C9: variants seen among roughly 807,000 people sequenced by gnomAD.
The protein encoded by C9 is complement C9, also known as complement component C9.
In C9, 63 loss-of-function variants were observed where a neutral mutation model predicts 65.4. The ratio of observed to expected loss-of-function variants is 0.96; its 90% CI spans 0.79 to 1.19. The LOEUF (loss-of-function observed/expected upper bound fraction) is 1.19, where lower values mean the gene tolerates loss of function less well. Ranked by LOEUF, C9 falls within the 50% of genes most tolerant of loss-of-function variation. The pLI is 0.00. For synonymous variants in C9, 229 were observed against 227.9 expected (o/e 1.00, Z -0.04); for missense variants, 744 against 670.1 (o/e 1.11, Z -1.22).
intron 1 of C9, among the ~76,000 whole-genome samples, chr5:39,361,661 C>T (rs1217097474): frequency 6.6e-6 from 1 of 152,136 alleles, no homozygotes; most frequent in Non-Finnish European, 1.5e-5. Context: ...ACCCAGGCCA[C>T]CTGGCTCCAG....
At chr5:39,318,429 T>C (rs756778878) in intron 5 of C9, among the ~76,000 whole-genome samples, 13 of 152,212 alleles carry the variant, frequency 8.5e-5, no homozygotes, top group Non-Finnish European at 1.9e-4. Flanking sequence ...CATCCTTGTC[T>C]TGTGCTGGTT....
chr5:39,326,858 C>G (rs969043665), intron 5 of C9, among the ~76,000 whole-genome samples: 1 of 152,138 alleles, frequency 6.6e-6, no homozygotes, highest in Non-Finnish European at 1.5e-5. Flanking sequence ...TTGCTGTCAA[C>G]TTTAATGGCA....
At chr5:39,332,210 G>T (rs572953551) in intron 4 of C9, among the ~76,000 whole-genome samples, 1 of 152,194 alleles carries the variant, frequency 6.6e-6, no homozygotes, top group African/African-American at 2.4e-5. Context: ...CATCTCAGGG[G>T]GCCAATATAA....
chr5:39,286,489 C>G (rs1752993374), intron 10 of C9, among the ~76,000 whole-genome samples: 1 of 151,518 alleles, frequency 6.6e-6, no homozygotes, highest in African/African-American at 2.4e-5. Flanking sequence ...AAAAACTAGA[C>G]AAAAGAAAAT....
chr5:39,300,647 A>T (rs993802197), intron 9 of C9, among the ~76,000 whole-genome samples: 3 of 152,124 alleles, frequency 2.0e-5, no homozygotes, highest in African/African-American at 7.2e-5. Flanking sequence ...ATAAAGGAAG[A>T]CATTTTAATT....
chr5:39,317,226 C>T (rs547150836), intron 5 of C9, among the ~76,000 whole-genome samples: 1 of 148,088 alleles, frequency 6.8e-6, no homozygotes, highest in East Asian at 2.2e-4. Flanking sequence ...TGTTTAAGTT[C>T]CTCATAGACT....
At chr5:39,359,027 T>A (rs1390895684) in intron 1 of C9, among the ~76,000 whole-genome samples, 9 of 143,742 alleles carry the variant, frequency 6.3e-5, no homozygotes, top group African/African-American at 2.1e-4. Context: ...AATATATATA[T>A]ATATATATAT....
chr5:39,363,975 A>G (rs957129167), intron 1 of C9, among the ~76,000 whole-genome samples: 1 of 152,234 alleles, frequency 6.6e-6, no homozygotes, highest in African/African-American at 2.4e-5. Context: ...ATGTGGAGGC[A>G]AAAGGGTGAT....
rs115295113 is a variant in C9 at position 39,362,311 on chromosome 5, G to T, written c.77+2077C>A. Reference sequence around the variant, plus strand: ...AATATGACTGGTGTCCTTTTAAAAAGGGGACATTTTTATAAAGACATACAC... The same window carrying T: ...AATATGACTGGTGTCCTTTTAAAAATGGGACATTTTTATAAAGACATACAC... On this transcript the variant is annotated intron_variant, in intron 1 of 10. Transcript: ENST00000263408. Among the ~76,000 whole-genome samples, 738 of 152,258 alleles carry T rather than the reference G, an allele frequency of 4.8e-3. 8 individuals carry two copies. The highest frequency in any genetic ancestry group is 0.017 in the African/African-American group (708 of 41,550).
At chr5:39,320,814 A>G (rs754377770) in intron 5 of C9, among the ~76,000 whole-genome samples, 14 of 152,198 alleles carry the variant, frequency 9.2e-5, no homozygotes, top group Non-Finnish European at 1.8e-4. Context: ...GAGCTCACAT[A>G]AGATTACTAG....
At chr5:39,333,600 C>G (rs982580012) in intron 4 of C9, among the ~76,000 whole-genome samples, 1 of 71,316 alleles carries the variant, frequency 1.4e-5, no homozygotes, top group African/African-American at 3.6e-5. Context: ...CTCTCCGTCT[C>G]CCTCTCCCCT....
At position 39,311,148 on chromosome 5, in the gene C9, A is replaced by T; in HGVS notation, c.1100T>A (p.Met367Lys). 1 of 1,613,444 alleles carries T rather than the reference A, an allele frequency of 6.2e-7. No individual in the cohort carries two copies. The highest frequency in any genetic ancestry group is 8.5e-7 in the Non-Finnish European group (1 of 1,179,446). ...ELIYVLDKAS[M>K]KRKGVELKDI... ...ATTTCTAGGCATACCTTTCCGCTTC[A>T]TGGAAGCTTTATCCAAAACATATAT... Residue 367 changes from methionine to lysine, a missense_variant, in exon 7 of 11, where the codon ATG (methionine) becomes AAG (lysine). Met to Lys is a moderately conservative substitution (Grantham distance 95, BLOSUM62 -1). Coordinates refer to ENST00000263408, the MANE Select transcript of C9 (RefSeq NM_001737.5).
intron 4 of C9, among the ~76,000 whole-genome samples, chr5:39,334,994 G>GAA (rs57954565): frequency 1.2e-3 from 176 of 144,964 alleles, no homozygotes; most frequent in Admixed American, 2.3e-3. Context: ...TCTGCCTTGG[G>GAA]AAAAAAAAAA....
intron 5 of C9, among the ~76,000 whole-genome samples, chr5:39,317,554 T>G (rs1027296114): frequency 3.9e-5 from 6 of 152,202 alleles, no homozygotes; most frequent in African/African-American, 1.4e-4. Context: ...TTCAATTGTC[T>G]GCATATGGCT....
At position 39,324,087 on chromosome 5, in the gene C9, A is replaced by G. The variant is rs113564735; in HGVS notation, c.615+7589T>C. Reference sequence around the variant, plus strand: ...ACTACAGAATTAAAAAGAATAAAACACTTAGGAATAAATTTAACCAAGGAG... The same window carrying G: ...ACTACAGAATTAAAAAGAATAAAACGCTTAGGAATAAATTTAACCAAGGAG... On this transcript the variant is annotated intron_variant, in intron 5 of 10. Coordinates refer to ENST00000263408, the MANE Select transcript of C9 (RefSeq NM_001737.5). Among the ~76,000 whole-genome samples, 961 of 152,298 alleles carry G rather than the reference A, an allele frequency of 6.3e-3. 7 individuals are homozygous for G. Among genetic ancestry groups the G allele is most frequent in the African/African-American group, 0.022 (906 of 41,562 alleles).
chr5:39,363,400 A>G (rs1160679974), intron 1 of C9, among the ~76,000 whole-genome samples: 1 of 152,202 alleles, frequency 6.6e-6, no homozygotes, highest in Non-Finnish European at 1.5e-5. Context: ...CTCCAACTGC[A>G]GCCAAGAGGC....
intron 1 of C9, among the ~76,000 whole-genome samples, chr5:39,351,240 A>G (rs1044759940): frequency 6.6e-6 from 1 of 152,190 alleles, no homozygotes; most frequent in South Asian, 2.1e-4. Context: ...GGCCTAGTCC[A>G]TGAAATCATT....
At chr5:39,320,536 A>T (rs1423450456) in intron 5 of C9, among the ~76,000 whole-genome samples, 1 of 152,186 alleles carries the variant, frequency 6.6e-6, no homozygotes. Context: ...ACTATGGGGC[A>T]CCATCAAGTG....
Position 39,315,668 on chromosome 5 carries a change from G to A in C9, c.870+107C>T, listed in dbSNP as rs1753555960. On this transcript the variant is annotated intron_variant, in intron 6 of 10. Coordinates refer to ENST00000263408, the MANE Select transcript of C9 (RefSeq NM_001737.5). ...GTGCTAGCTACATATTTGAGAATTT[G>A]ATCCATGTTTCTTTTCCTTTTTATG... 8 of 825,064 alleles carry A rather than the reference G, an allele frequency of 9.7e-6. No homozygotes were observed. The East Asian group carries it at 1.6e-4, about 16-fold the overall frequency. 51.1% of individuals were successfully genotyped at this position (825,064 alleles called of 1,614,324 possible).
Sources: gnomAD v4.1 joint callset for allele counts (sites outside exome capture counted in the v4.1 genomes callset) on GRCh38, gnomAD v4.1.1 for gene constraint, MANE v1.5 for transcripts, NCBI Gene and HGNC (gene_info 2026-07-23, HGNC 2026-07-21) for gene names.